KYAT3: variants seen among roughly 807,000 people sequenced by gnomAD.
KYAT3 encodes kynurenine--oxoglutarate transaminase 3.
Under a neutral mutation model 59.0 loss-of-function variants are expected in KYAT3, and 50 were observed. The ratio of observed to expected loss-of-function variants is 0.85; its 90% confidence interval spans 0.68 to 1.07. KYAT3 has a LOEUF of 1.07. KYAT3 is among the 50% of genes least tolerant of loss of function. The pLI is 0.00. For missense variants in KYAT3, 497 were observed against 533.3 expected (o/e 0.93, Z 0.67); for synonymous variants, 148 against 177.0 (o/e 0.84, Z 1.30).
intron 2 of KYAT3, among the ~76,000 whole-genome samples, chr1:88,970,510 T>C (rs1221979398): frequency 3.3e-5 from 5 of 152,162 alleles, no homozygotes; most frequent in African/African-American, 9.7e-5. Context: ...CTCAGAACTA[T>C]TATATAATTT....
At chr1:88,952,983 AG>A (rs1465281628) in intron 10 of KYAT3, 79 bp downstream of exon 10, 10 of 865,922 alleles carry the variant, frequency 1.2e-5, no homozygotes, top group Admixed American at 1.0e-4. Context: ...AGGAGAATTA[AG>A]TCAATTCAAA....
At chr1:88,934,648 T>C (rs1269905487), downstream of KYAT3, among the ~76,000 whole-genome samples, 2 of 152,132 alleles carry the variant, frequency 1.3e-5, no homozygotes, top group Non-Finnish European at 2.9e-5. Context: ...TTTGATCAGC[T>C]GAGATAGAAC....
rs543003383 is a variant in KYAT3 at position 88,940,055 on chromosome 1, T to TTTA, written c.1302+2947_1302+2949dup. 8.1e-3 allele frequency among the ~76,000 whole-genome samples: 1,235 copies of TTTA among 152,002 alleles called. 10 individuals carry two copies. Among genetic ancestry groups the TTTA allele is most frequent in the Non-Finnish European group, 0.011 (769 of 67,968 alleles). On this transcript the variant is annotated intron_variant, in intron 13 of 13. Coordinates refer to ENST00000260508, the MANE Select transcript of KYAT3 (RefSeq NM_001008661.3). ...ATATAGATTCACAGTTGGTTCCTCT[T>TTTA]TTATTATTATTATTATTGTTATTAT...
chr1:88,986,898 A>G (rs544583179), intron 2 of KYAT3, among the ~76,000 whole-genome samples: 1 of 152,294 alleles, frequency 6.6e-6, no homozygotes, highest in African/African-American at 2.4e-5. Context: ...TCCCTGTGCG[A>G]CTATTTTAAA....
intron 2 of KYAT3, among the ~76,000 whole-genome samples, chr1:88,972,028 G>T (rs774109354): frequency 4.6e-5 from 7 of 152,170 alleles, no homozygotes; most frequent in Non-Finnish European, 1.0e-4. Context: ...AATAAAGAAT[G>T]AAACACTTCT....
At chr1:88,958,853 T>C (rs1676027486) in intron 8 of KYAT3, among the ~76,000 whole-genome samples, 1 of 152,218 alleles carries the variant, frequency 6.6e-6, no homozygotes, top group Admixed American at 6.5e-5. Flanking sequence ...CATGGTGATC[T>C]ACCACTAAAG....
intron 10 of KYAT3, among the ~76,000 whole-genome samples, chr1:88,949,557 C>CAAAAAGACA (rs1371659252): frequency 6.6e-6 from 1 of 152,130 alleles, no homozygotes; most frequent in Non-Finnish European, 1.5e-5. Context: ...TGCTTGGAAA[C>CAAAAAGACA]AAAAAGACAT....
intron 1 of KYAT3, among the ~76,000 whole-genome samples, chr1:88,989,451 AAATT>A (rs1309409497): frequency 2.0e-5 from 3 of 152,226 alleles, no homozygotes; most frequent in African/African-American, 4.8e-5. Context: ...ATAGGTGAAT[AAATT>A]AATAAGGTTT....
At position 88,953,054 on chromosome 1, in the gene KYAT3, A is replaced by T. The variant is rs1675746511; in HGVS notation, c.954+9T>A. 6.5e-7 allele frequency: 1 copy of T among 1,549,162 alleles called. No individual in the cohort carries two copies. The highest frequency in any genetic ancestry group is 1.4e-5 in the African/African-American group (1 of 73,578). ...CAATGCTTCTACCCTGAGTTACTAT[A>T]ACACTTACCTGTAAAGGAGTTGCAC... On this transcript the variant is annotated intron_variant, in intron 10 of 13. Coordinates refer to ENST00000260508, the MANE Select transcript of KYAT3 (RefSeq NM_001008661.3).
chr1:88,928,678 G>A, the KYAT3 span, among the ~76,000 whole-genome samples: 1 of 152,174 alleles, frequency 6.6e-6, no homozygotes, highest in South Asian at 2.1e-4. Flanking sequence ...GCAAGTGCCA[G>A]CCCATGCCAT....
chr1:88,927,226 G>A, the KYAT3 span, among the ~76,000 whole-genome samples: 7 of 152,034 alleles, frequency 4.6e-5, no homozygotes, highest in Admixed American at 4.6e-4. Context: ...TTCCCCCCAA[G>A]GCAAAAACGC....
At chr1:88,923,701 G>GTTTGGATA in the KYAT3 span, 3 of 252,302 alleles carry the variant, frequency 1.2e-5, no homozygotes, top group Non-Finnish European at 2.3e-5. Flanking sequence ...TCTATGAAAT[G>GTTTGGATA]TTTGGATATC....
At chr1:88,950,480 T>C (rs1473269526) in intron 10 of KYAT3, among the ~76,000 whole-genome samples, 2 of 151,938 alleles carry the variant, frequency 1.3e-5, no homozygotes, top group African/African-American at 4.8e-5. Context: ...AAAGATGTTC[T>C]GCATTCTTAG....
chr1:88,958,897 T>C (rs543854433), intron 8 of KYAT3, among the ~76,000 whole-genome samples: 45 of 152,292 alleles, frequency 3.0e-4, no homozygotes, highest in African/African-American at 1.1e-3. Flanking sequence ...CTCAACAAAG[T>C]TTATACTCTA....
rs1231847457 is a variant in KYAT3, at chr1:88,949,247, T to G, written c.985A>C (p.Ile329Leu). 6.4e-7 allele frequency: 1 copy of G among 1,574,300 alleles called. No homozygotes were observed. The highest frequency in any genetic ancestry group is 1.4e-5 in the African/African-American group (1 of 72,522). Residue 329 changes from isoleucine (I) to leucine (L), a missense_variant, in exon 11 of 14, where the codon ATC (isoleucine) becomes CTC (leucine). By Grantham distance (5) the Ile-to-Leu change is conservative. Coordinates refer to ENST00000260508, the MANE Select transcript of KYAT3 (RefSeq NM_001008661.3). ...CATTCTGGGTCATCCATGCGCTTGA[T>G]GTCAATCCAGAAAGCTTGAGCCAAG... ...EALAQAFWID[I>L]KRMDDPECYF...
chr1:88,927,221 C>T, the KYAT3 span, among the ~76,000 whole-genome samples: 1 of 151,978 alleles, frequency 6.6e-6, no homozygotes, highest in South Asian at 2.1e-4. Flanking sequence ...AAACATTCCC[C>T]CCAAGGCAAA....
intron 13 of KYAT3, among the ~76,000 whole-genome samples, chr1:88,936,623 G>A (rs1357067599): frequency 6.6e-6 from 1 of 151,894 alleles, no homozygotes; most frequent in Non-Finnish European, 1.5e-5. Flanking sequence ...CCTTATTTGT[G>A]AACTTCACAT....
intron 2 of KYAT3, among the ~76,000 whole-genome samples, chr1:88,971,727 A>T (rs1676564733): frequency 6.6e-6 from 1 of 152,114 alleles, no homozygotes; most frequent in Non-Finnish European, 1.5e-5. Flanking sequence ...CCTTCCTTGC[A>T]CTTGGCTAAC....
At chr1:88,956,640 C>A (rs1252808366) in intron 8 of KYAT3, among the ~76,000 whole-genome samples, 2 of 152,134 alleles carry the variant, frequency 1.3e-5, no homozygotes, top group African/African-American at 4.8e-5. Context: ...TTGAGGGTGG[C>A]TTTCTGCAGC....
Sources: gnomAD v4.1 joint callset for allele counts (sites outside exome capture counted in the v4.1 genomes callset) on GRCh38, gnomAD v4.1.1 for gene constraint, MANE v1.5 for transcripts, NCBI Gene and HGNC (gene_info 2026-07-23, HGNC 2026-07-21) for gene names.